Variants in TSG101 observed in about 807,000 individuals in gnomAD.
The protein encoded by TSG101 is tumor susceptibility 101, also known as tumor susceptibility gene 101 protein.
Under a neutral mutation model 48.5 loss-of-function variants are expected in TSG101, and 19 were observed. The observed-to-expected ratio is 0.39, with a 90% CI of 0.27 to 0.58. TSG101 has a LOEUF of 0.58. TSG101 is among the 20% of genes least tolerant of loss of function. The probability of loss-of-function intolerance (pLI) is 0.55; values close to 1 mark genes in which losing one functional copy is unlikely to be tolerated. For missense variants in TSG101, 365 were observed against 484.4 expected (o/e 0.75, Z 2.31); for synonymous variants, 174 against 169.4 (o/e 1.03, Z -0.21).
Position 18,519,553 on chromosome 11 carries a change from T to G in TSG101, c.93A>C (p.Leu31=). The G allele has an allele frequency of 6.2e-7, 1 of 1,613,042 alleles. No homozygotes were observed. The highest frequency in any genetic ancestry group is 1.3e-5 in the African/African-American group (1 of 75,022). The change falls in exon 2 of 10, where the codon CTA becomes CTC. Residue 31 remains leucine (L), a synonymous_variant. Transcript: ENST00000251968. ...CCAAAACAGGTTTGAGATCTTTGTA[T>G]AGAGTAATAACATTGACAGTTTCAC... The part of the protein sequence containing the change: ...TVRETVNVIT[L]YKDLKPVLDS...
chr11:18,508,853 A>T (rs1282407176), intron 5 of TSG101: 6 of 152,228 alleles, frequency 3.9e-5, no homozygotes, highest in African/African-American at 1.4e-4. Flanking sequence ...ACCAAAAAAA[A>T]AAAAGTCACA....
At chr11:18,505,689 T>C (rs1237322878) in intron 6 of TSG101, among the ~76,000 whole-genome samples, 2 of 152,248 alleles carry the variant, frequency 1.3e-5, no homozygotes, top group Non-Finnish European at 2.9e-5. Flanking sequence ...CCTATGTTAT[T>C]ACTAAATGGA....
chr11:18,487,408 T>C (rs1849635468), intron 7 of TSG101, among the ~76,000 whole-genome samples: 1 of 152,206 alleles, frequency 6.6e-6, no homozygotes, highest in South Asian at 2.1e-4. Flanking sequence ...TGATTTATAA[T>C]TTTGGTCTCT....
intron 7 of TSG101, chr11:18,490,839 C>T (rs1340068711): frequency 1.5e-5 from 8 of 548,132 alleles, no homozygotes; most frequent in Non-Finnish European, 2.9e-5. Flanking sequence ...AGATTTCTCT[C>T]TTCGTTGGAG....
chr11:18,496,386 G>C (rs1023641969), intron 7 of TSG101, among the ~76,000 whole-genome samples: 1 of 151,194 alleles, frequency 6.6e-6, no homozygotes, highest in Non-Finnish European at 1.5e-5. Context: ...AGATTACAGT[G>C]AGCCGAGATC....
intron 6 of TSG101, 125 bp downstream of exon 6, chr11:18,506,732 C>T (rs1590281759): frequency 4.5e-6 from 3 of 659,572 alleles, no homozygotes; most frequent in East Asian, 3.2e-5. Context: ...AGGAATAAAC[C>T]AAGTTTTATC....
chr11:18,526,626 C>T, intron 1 of TSG101, 149 bp downstream of exon 1: 1 of 897,582 alleles, frequency 1.1e-6, no homozygotes, highest in South Asian at 1.9e-5. Context: ...ACAGGCGCCT[C>T]GGGGCGGGGT....
intron 2 of TSG101, among the ~76,000 whole-genome samples, chr11:18,517,639 T>A (rs1315134316): frequency 6.6e-6 from 1 of 152,208 alleles, no homozygotes; most frequent in Non-Finnish European, 1.5e-5. Context: ...CTGCCTATGG[T>A]ATGCAGTACA....
intron 5 of TSG101, among the ~76,000 whole-genome samples, 156 bp downstream of exon 5, chr11:18,509,386 T>C (rs1338557225): frequency 6.6e-6 from 1 of 152,236 alleles, no homozygotes; most frequent in Non-Finnish European, 1.5e-5. Flanking sequence ...TGGGAATCTG[T>C]ACATGCAGAT....
intron 7 of TSG101, among the ~76,000 whole-genome samples, chr11:18,502,197 C>T (rs1221166939): frequency 6.6e-6 from 1 of 152,144 alleles, no homozygotes; most frequent in Admixed American, 6.5e-5. Flanking sequence ...TATAACCAAG[C>T]TAGGAAAATC....
chr11:18,526,928 A>G lies in TSG101; in HGVS notation c.-112T>C. ...CCCAACCCGGCCTCAAACAACAGGA[A>G]GTCGGCACCACTACACCACTTCCGC... On this transcript the variant is annotated 5_prime_UTR_variant, in exon 1 of 10. Coordinates refer to ENST00000251968, the MANE Select transcript of TSG101 (RefSeq NM_006292.4). The G allele has an allele frequency of 6.7e-6, 8 of 1,202,076 alleles. No individual in the cohort carries two copies. Among genetic ancestry groups the G allele is most frequent in the Non-Finnish European group, 9.3e-6 (8 of 856,108 alleles). The allele number at this position is 1,202,076 out of a possible 1,614,324, so 74.5% of individuals were successfully genotyped here. A position where few individuals can be genotyped will look rare whatever the true frequency, so the allele number is the denominator to read the frequency against.
At chr11:18,505,843 A>T (rs1849962593) in intron 6 of TSG101, among the ~76,000 whole-genome samples, 1 of 152,092 alleles carries the variant, frequency 6.6e-6, no homozygotes, top group South Asian at 2.1e-4. Context: ...TTTGAGAGAG[A>T]GTTTTGCTCT....
At chr11:18,523,843 G>C (rs1157965519) in intron 1 of TSG101, among the ~76,000 whole-genome samples, 1 of 152,140 alleles carries the variant, frequency 6.6e-6, no homozygotes, top group Non-Finnish European at 1.5e-5. Context: ...TACTTTTTGA[G>C]ACAGGTTCTC....
Position 18,481,733 on chromosome 11 carries a change from T to C in TSG101, c.980A>G (p.Gln327Arg). 1 of 1,614,212 alleles carries C rather than the reference T, an allele frequency of 6.2e-7. No homozygotes were observed. Among genetic ancestry groups the C allele is most frequent in the Non-Finnish European group, 8.5e-7 (1 of 1,180,032 alleles). Residue 327 changes from glutamine to arginine, a missense_variant, in exon 9 of 10, where the codon CAG becomes CGG. By Grantham distance (43) the Gln-to-Arg change is conservative. Transcript: ENST00000251968. ...VIIPTAPLYK[Q>R]ILNLYAEENA... ...TTCTTCTGCATACAGATTCAGGATC[T>C]GTTTGTATAAGGGAGCTGTGGGAAT... is the stretch of plus-strand genomic sequence containing the variant.
intron 3 of TSG101, 119 bp from the exon 4 acceptor site, chr11:18,514,960 T>C (rs775323182): frequency 3.0e-5 from 27 of 892,234 alleles, no homozygotes; most frequent in Non-Finnish European, 4.1e-5. Context: ...ATCCCCCCCA[T>C]TCCTATTTCC....
intron 4 of TSG101, chr11:18,510,944 C>CAAT (rs10639268): frequency 0.7 from 107,010 of 151,800 alleles, 37,724 homozygotes; most frequent in Non-Finnish European, 0.71. Flanking sequence ...CCAACAACAA[C>CAAT]GACAACAAAA....
At chr11:18,512,750 G>GTC (rs1423044893) in intron 4 of TSG101, among the ~76,000 whole-genome samples, 3 of 121,466 alleles carry the variant, frequency 2.5e-5, no homozygotes, top group Admixed American at 9.5e-5. Flanking sequence ...TTTTGAGACA[G>GTC]TCTCTCTCAC....
chr11:18,510,593 G>C (rs777553986), intron 4 of TSG101, among the ~76,000 whole-genome samples: 1 of 148,600 alleles, frequency 6.7e-6, no homozygotes, highest in African/African-American at 2.5e-5. Flanking sequence ...ACTGGCCAGG[G>C]GTGGTGGCTT....
At chr11:18,495,227 C>A (rs1162116258) in intron 7 of TSG101, among the ~76,000 whole-genome samples, 1 of 152,144 alleles carries the variant, frequency 6.6e-6, no homozygotes, top group African/African-American at 2.4e-5. Context: ...AAGAAAAATT[C>A]TGTGGTAGGT....
Sources: allele counts gnomAD v4.1 joint callset (sites outside exome capture counted in the v4.1 genomes callset), GRCh38; gene constraint gnomAD v4.1.1; transcripts MANE v1.5; gene names NCBI Gene and HGNC (gene_info 2026-07-23, HGNC 2026-07-21).